Variants in PARD3B observed in about 807,000 individuals in gnomAD.
PARD3B encodes the protein partitioning defective 3 homolog B.
A neutral mutation model predicts 130.2 loss-of-function variants in PARD3B; 103 were observed. The ratio of observed to expected loss-of-function variants is 0.79; its 90% CI spans 0.67 to 0.93. PARD3B has a LOEUF of 0.93. Ranked by LOEUF, PARD3B falls within the 40% of genes least tolerant of loss-of-function variation. The pLI, the probability that PARD3B is intolerant of heterozygous loss-of-function variation, is 0.00. For synonymous variants in PARD3B, 583 were observed against 553.2 expected (o/e 1.05, Z -0.76); for missense variants, 1,609 against 1,499.2 (o/e 1.07, Z -1.21).
Position 205,011,690 on chromosome 2 carries a change from C to T in PARD3B, c.395-35891C>T, listed in dbSNP as rs1006364565. 1.3e-5 allele frequency among the ~76,000 whole-genome samples: 2 copies of T among 152,006 alleles called. No individual in the cohort carries two copies. Among genetic ancestry groups the T allele is most frequent in the African/African-American group, 4.8e-5 (2 of 41,358 alleles). ...GCAGAGAAAGACTCCTCTCCATGTG[C>T]CTTACCTGAAGATTTAAGCCTGGGT... On this transcript the variant is annotated intron_variant, in intron 3 of 22. Coordinates refer to ENST00000406610, the MANE Select transcript of PARD3B (RefSeq NM_001302769.2). This position sits in a 1 kb window ranked among gnomAD's most constrained non-coding sequence, Gnocchi z 4.1.
At chr2:204,919,196 T>A (rs1398325882) in intron 2 of PARD3B, among the ~76,000 whole-genome samples, 1 of 152,166 alleles carries the variant, frequency 6.6e-6, no homozygotes, top group African/African-American at 2.4e-5. Flanking sequence ...TACACTTCCC[T>A]CCTAAGTACT....
rs566260328 is a variant in PARD3B at position 205,214,062 on chromosome 2, C to G, written c.2140+20742C>G. On this transcript the variant is annotated intron_variant, in intron 15 of 22. Transcript: ENST00000406610. Reference sequence around the variant, plus strand: ...GGCATTCTTTTTTCCTTTTGTATTCCTCTGTATCTTCCTTTTAGGTTTTTT... The same window carrying G: ...GGCATTCTTTTTTCCTTTTGTATTCGTCTGTATCTTCCTTTTAGGTTTTTT... 1.7e-4 allele frequency among the ~76,000 whole-genome samples: 26 copies of G among 152,074 alleles called. No homozygotes were observed. In the East Asian group the frequency reaches 4.5e-3, roughly 26 times the overall value.
intron 4 of PARD3B, among the ~76,000 whole-genome samples, chr2:205,073,741 C>A (rs994192502): frequency 5.3e-5 from 8 of 152,044 alleles, no homozygotes; most frequent in Admixed American, 4.6e-4. Context: ...GGCGTTAGAA[C>A]AGGAAACCAT....
intron 19 of PARD3B, among the ~76,000 whole-genome samples, chr2:205,404,271 G>C (rs2046347876): frequency 6.6e-6 from 1 of 152,184 alleles, no homozygotes; most frequent in Non-Finnish European, 1.5e-5. Flanking sequence ...CTACATTGAA[G>C]CTATGCAAAT....
intron 3 of PARD3B, among the ~76,000 whole-genome samples, chr2:205,046,471 A>G (rs999907657): frequency 3.5e-5 from 5 of 141,304 alleles, no homozygotes; most frequent in Non-Finnish European, 7.6e-5. Flanking sequence ...ATTTCTTATC[A>G]TGAAAGAAGT....
chr2:204,965,435 G>T, intron 3 of PARD3B, 112 bp downstream of exon 3: 1 of 1,160,790 alleles, frequency 8.6e-7, no homozygotes, highest in Middle Eastern at 2.6e-4. Flanking sequence ...TTATATCGTG[G>T]TTTATCTTTT....
intron 22 of PARD3B, among the ~76,000 whole-genome samples, chr2:205,574,664 A>G (rs895654205): frequency 6.6e-6 from 1 of 152,102 alleles, no homozygotes; most frequent in Admixed American, 6.6e-5. Context: ...CTTCATTGTA[A>G]CATGCTGCCT....
chr2:205,190,688 T>G (rs2036347818), intron 14 of PARD3B, among the ~76,000 whole-genome samples: 1 of 152,174 alleles, frequency 6.6e-6, no homozygotes, highest in African/African-American at 2.4e-5. Context: ...AGGTGACCTT[T>G]AATCCCTTCT....
intron 21 of PARD3B, among the ~76,000 whole-genome samples, chr2:205,523,897 T>A (rs2051212420): frequency 6.7e-6 from 1 of 150,328 alleles, no homozygotes; most frequent in Admixed American, 6.7e-5. Context: ...CTGATGATAA[T>A]ATTCTTTATA....
intron 3 of PARD3B, among the ~76,000 whole-genome samples, chr2:204,966,682 T>G (rs544140696): frequency 2.5e-4 from 38 of 152,308 alleles, no homozygotes; most frequent in African/African-American, 8.9e-4. Flanking sequence ...GAAAAAAGAT[T>G]GTTTTCTTCA....
In PARD3B at chr2:205,133,832, A is replaced by T. The variant is rs145183210; in HGVS notation, c.1434+8095A>T. 7.9e-5 allele frequency among the ~76,000 whole-genome samples: 12 copies of T among 152,302 alleles called. No homozygotes were observed. In the East Asian group the frequency reaches 2.1e-3, roughly 27 times the overall value. ...CAGGTCCAACTCGATTGTGCTTTAA[A>T]ATTTCCACACTCAATTTGATTGTGC... On this transcript the variant is annotated intron_variant, in intron 10 of 22. Transcript: ENST00000406610.
At chr2:205,541,339 G>A (rs2052120541) in intron 21 of PARD3B, among the ~76,000 whole-genome samples, 1 of 131,388 alleles carries the variant, frequency 7.6e-6, no homozygotes, top group African/African-American at 2.6e-5. Context: ...AATGCTCACA[G>A]AAACTTTGTT....
chr2:205,334,077 T>C (rs2043227100), intron 18 of PARD3B, among the ~76,000 whole-genome samples: 1 of 152,178 alleles, frequency 6.6e-6, no homozygotes, highest in South Asian at 2.1e-4. Flanking sequence ...TTGAGTGGTC[T>C]CTTGTGGAAA....
At chr2:204,692,726 A>G (rs2037414141) in intron 2 of PARD3B, among the ~76,000 whole-genome samples, 1 of 152,104 alleles carries the variant, frequency 6.6e-6, no homozygotes, top group African/African-American at 2.4e-5. Context: ...AGAAGGTTTC[A>G]GAAATAAATG....
At chr2:205,533,718 G>A (rs2051706084) in intron 21 of PARD3B, among the ~76,000 whole-genome samples, 1 of 151,726 alleles carries the variant, frequency 6.6e-6, no homozygotes, top group African/African-American at 2.4e-5. Flanking sequence ...CAATGGTTTT[G>A]GGGGTTTTTT....
chr2:205,134,906 T>C (rs1023888285), intron 10 of PARD3B, among the ~76,000 whole-genome samples: 3 of 151,164 alleles, frequency 2.0e-5, no homozygotes, highest in African/African-American at 4.9e-5. Flanking sequence ...TTGTTGGAGA[T>C]TGGAAGGTAG....
chr2:205,134,241 G>A (rs1213179633), intron 10 of PARD3B, among the ~76,000 whole-genome samples: 3 of 151,976 alleles, frequency 2.0e-5, no homozygotes, highest in Non-Finnish European at 2.9e-5. Context: ...TCAGAAATAC[G>A]ACTGGGTGTG....
chr2:205,520,731 A>G (rs1185720645), intron 21 of PARD3B, among the ~76,000 whole-genome samples: 1 of 151,928 alleles, frequency 6.6e-6, no homozygotes, highest in African/African-American at 2.4e-5. Flanking sequence ...TAAATTGGGA[A>G]CCTTCTGAAT....
At chr2:205,110,335 C>T (rs910569532) in intron 5 of PARD3B, among the ~76,000 whole-genome samples, 3 of 152,218 alleles carry the variant, frequency 2.0e-5, no homozygotes, top group African/African-American at 7.2e-5. Context: ...CTAGCTCTAG[C>T]AGAGTTGCCA....
Sources: gnomAD v4.1 joint callset for allele counts (sites outside exome capture counted in the v4.1 genomes callset) on GRCh38, gnomAD v4.1.1 for gene constraint, Gnocchi (gnomAD v3.1) non-coding constraint, MANE v1.5 for transcripts, NCBI Gene and HGNC (gene_info 2026-07-23, HGNC 2026-07-21) for gene names.